The following ZNG1C variants were observed in gnomAD, a reference collection of about 807,000 sequenced individuals.
The protein encoded by ZNG1C is zinc-regulated GTPase metalloprotein activator 1C.
the ZNG1C span, among the ~76,000 whole-genome samples, chr9:68,291,054 GC>G: frequency 2.0e-5 from 1 of 49,446 alleles, no homozygotes; most frequent in African/African-American, 7.7e-5. Flanking sequence ...GGAGCAACAG[GC>G]TAATACAGCA....
the ZNG1C span, among the ~76,000 whole-genome samples, chr9:68,282,960 TAAAA>T: frequency 8.2e-6 from 1 of 121,448 alleles, no homozygotes; most frequent in Non-Finnish European, 1.7e-5. Context: ...TCTATTTTTC[TAAAA>T]ATTCTTATAA....
chr9:68,256,586 C>A, the ZNG1C span, among the ~76,000 whole-genome samples: 1 of 105,506 alleles, frequency 9.5e-6, no homozygotes. Flanking sequence ...GTCTGATGTG[C>A]ACAAAGCCAT....
the ZNG1C span, among the ~76,000 whole-genome samples, chr9:68,286,933 A>AC: frequency 1.0e-5 from 1 of 98,374 alleles, no homozygotes; most frequent in African/African-American, 4.0e-5. Flanking sequence ...AAAAAAAAAA[A>AC]AACTCAGTTC....
At chr9:68,267,257 C>T in the ZNG1C span, among the ~76,000 whole-genome samples, 1 of 152,162 alleles carries the variant, frequency 6.6e-6, no homozygotes, top group Non-Finnish European at 1.5e-5. Flanking sequence ...AGGTAAGGCT[C>T]ATTAGGAGAT....
the ZNG1C span, among the ~76,000 whole-genome samples, chr9:68,288,464 G>GT: frequency 4.6e-5 from 7 of 152,068 alleles, no homozygotes; most frequent in South Asian, 2.1e-4. Context: ...TTTTGTTTTT[G>GT]TTTTTTTGGT....
the ZNG1C span, among the ~76,000 whole-genome samples, chr9:68,265,157 G>T: frequency 6.8e-6 from 1 of 147,050 alleles, no homozygotes; most frequent in Non-Finnish European, 1.5e-5. Flanking sequence ...CTCCCAAAGT[G>T]CTGGGATTAC....
At chr9:68,299,148 G>A in the ZNG1C span, 5 of 1,584,938 alleles carry the variant, frequency 3.2e-6, no homozygotes, top group East Asian at 1.1e-4. Flanking sequence ...TATTTGAAAG[G>A]GATATCATGT....
At chr9:68,256,071 G>A in the ZNG1C span, among the ~76,000 whole-genome samples, 1 of 152,282 alleles carries the variant, frequency 6.6e-6, no homozygotes, top group African/African-American at 2.4e-5. Context: ...TTTCATTGTT[G>A]ACACAGAGTG....
At chr9:68,244,555 T>C in the ZNG1C span, among the ~76,000 whole-genome samples, 82 of 132,738 alleles carry the variant, frequency 6.2e-4, no homozygotes, top group East Asian at 0.017. Context: ...AGCACTGTAA[T>C]AGTAAAACAC....
the ZNG1C span, chr9:68,285,784 T>C: frequency 1.5e-6 from 1 of 682,606 alleles, no homozygotes; most frequent in East Asian, 2.7e-5. Context: ...TATATGAATG[T>C]GTGTTTTTTT....
chr9:68,255,466 C>G, the ZNG1C span, among the ~76,000 whole-genome samples: 1 of 149,290 alleles, frequency 6.7e-6, no homozygotes, highest in Non-Finnish European at 1.5e-5. Context: ...TTTACTCCTC[C>G]TAAATACCTA....
At chr9:68,270,668 G>C in the ZNG1C span, 1 of 164,004 alleles carries the variant, frequency 6.1e-6, no homozygotes, top group African/African-American at 2.4e-5. Context: ...CGGATCACGA[G>C]GTCAGGAGAT....
At chr9:68,247,632 C>T in the ZNG1C span, 1 of 1,525,350 alleles carries the variant, frequency 6.6e-7, no homozygotes, top group Non-Finnish European at 8.9e-7. Context: ...TGGAGAAATC[C>T]TTAGCTGTCA....
chr9:68,256,967 T>C, the ZNG1C span: 1 of 1,268,496 alleles, frequency 7.9e-7, no homozygotes, highest in South Asian at 1.4e-5. Flanking sequence ...TAGGGAGTGA[T>C]ATTTACCTTG....
At chr9:68,266,926 G>C in the ZNG1C span, among the ~76,000 whole-genome samples, 1 of 152,206 alleles carries the variant, frequency 6.6e-6, no homozygotes, top group African/African-American at 2.4e-5. Flanking sequence ...AGGACAATAT[G>C]AATGATGCTC....
the ZNG1C span, among the ~76,000 whole-genome samples, chr9:68,249,217 T>G: frequency 6.6e-6 from 1 of 151,522 alleles, no homozygotes; most frequent in Non-Finnish European, 1.5e-5. Flanking sequence ...TAAGTACAGT[T>G]GTCCCTTGGC....
the ZNG1C span, among the ~76,000 whole-genome samples, chr9:68,276,151 G>T: frequency 7.4e-6 from 1 of 134,940 alleles, no homozygotes; most frequent in African/African-American, 2.8e-5. Context: ...TGATGGGGTG[G>T]TTTGCTTTTT....
chr9:68,292,201 TTC>T, the ZNG1C span, among the ~76,000 whole-genome samples: 4 of 150,340 alleles, frequency 2.7e-5, no homozygotes, highest in Non-Finnish European at 5.9e-5. Flanking sequence ...GCCCTAGACC[TTC>T]TCTCTGACAG....
chr9:68,294,178 G>T, the ZNG1C span, among the ~76,000 whole-genome samples: 1 of 142,670 alleles, frequency 7.0e-6, no homozygotes, highest in Non-Finnish European at 1.5e-5. Flanking sequence ...CAGCAAAGGT[G>T]GTGCTAAGAG....
Sources: allele counts gnomAD v4.1 joint callset (sites outside exome capture counted in the v4.1 genomes callset), GRCh38; gene constraint gnomAD v4.1.1; transcripts MANE v1.5; gene names NCBI Gene and HGNC (gene_info 2026-07-23, HGNC 2026-07-21).